The following CALN1 variants were observed in gnomAD, a reference collection of about 807,000 sequenced individuals.
The protein encoded by CALN1 is calneuron 1, also known as calcium-binding protein 8.
A neutral mutation model predicts 30.6 loss-of-function variants in CALN1; 17 were observed. The observed-to-expected ratio is 0.56, with a 90% CI of 0.38 to 0.83. The LOEUF (loss-of-function observed/expected upper bound fraction) is 0.83. Among genes scored for constraint, CALN1 ranks in the 40% least tolerant of loss-of-function variants. The pLI, the probability that CALN1 is intolerant of heterozygous loss-of-function variation, is 0.00. For missense variants in CALN1, 291 were observed against 354.9 expected (o/e 0.82, Z 1.45); for synonymous variants, 156 against 131.4 (o/e 1.19, Z -1.28).
At chr7:72,179,210 T>C (rs1789581786) in intron 3 of CALN1, among the ~76,000 whole-genome samples, 2 of 152,232 alleles carry the variant, frequency 1.3e-5, no homozygotes, top group Non-Finnish European at 1.5e-5. Flanking sequence ...AAGAAAAACA[T>C]TCTATTTATA....
chr7:71,927,646 C>T (rs920186429), intron 5 of CALN1, among the ~76,000 whole-genome samples: 4 of 152,074 alleles, frequency 2.6e-5, no homozygotes, highest in African/African-American at 9.7e-5. Context: ...CTTTTTTATG[C>T]TCTTCCTCTT....
At chr7:72,352,816 GA>G (rs2129559382) in intron 2 of CALN1, among the ~76,000 whole-genome samples, 1 of 151,972 alleles carries the variant, frequency 6.6e-6, no homozygotes, top group East Asian at 1.9e-4. Context: ...AAAATGGACA[GA>G]AAAATGAAAT....
intron 5 of CALN1, among the ~76,000 whole-genome samples, chr7:71,931,214 T>A (rs1795532753): frequency 6.6e-6 from 1 of 152,224 alleles, no homozygotes. Context: ...GGATTTAAAG[T>A]TAGTTCTTCC....
At chr7:72,054,432 CGTATATATATATATACAT>C (rs1268286892) in intron 4 of CALN1, among the ~76,000 whole-genome samples, 3 of 21,906 alleles carry the variant, frequency 1.4e-4, no homozygotes, top group Non-Finnish European at 2.0e-4. Context: ...TATATATACA[CGTATATATATATATACAT>C]ATATATACAT....
intron 1 of CALN1, among the ~76,000 whole-genome samples, chr7:72,438,623 A>G (rs1331104690): frequency 6.6e-6 from 1 of 151,254 alleles, no homozygotes. Flanking sequence ...TCCTTCCTTG[A>G]CCTCCTCCCT....
chr7:72,114,631 A>C (rs573600309), intron 3 of CALN1, among the ~76,000 whole-genome samples: 2 of 152,256 alleles, frequency 1.3e-5, no homozygotes, highest in South Asian at 2.1e-4. Flanking sequence ...TGATCAACTG[A>C]CTTCAGAAAT....
chr7:71,852,007 A>T (rs1477147482), intron 5 of CALN1, among the ~76,000 whole-genome samples: 2 of 152,174 alleles, frequency 1.3e-5, no homozygotes, highest in Non-Finnish European at 2.9e-5. Flanking sequence ...GAGTCTATGG[A>T]CCACACAAGA....
At chr7:72,136,004 A>G (rs765495421) in intron 3 of CALN1, among the ~76,000 whole-genome samples, 10 of 151,978 alleles carry the variant, frequency 6.6e-5, no homozygotes, top group Non-Finnish European at 1.5e-4. Context: ...GTGGTGGTAG[A>G]TGCCTGTAAT....
chr7:72,346,533 T>A (rs1802650460), intron 2 of CALN1, among the ~76,000 whole-genome samples: 1 of 152,168 alleles, frequency 6.6e-6, no homozygotes, highest in South Asian at 2.1e-4. Context: ...TTTATTTATT[T>A]GAAACGAAAT....
At chr7:72,390,873 G>A (rs184197537) in intron 2 of CALN1, among the ~76,000 whole-genome samples, 4 of 152,170 alleles carry the variant, frequency 2.6e-5, no homozygotes, top group African/African-American at 9.6e-5. Flanking sequence ...ATTTCCCTTT[G>A]TTGTTACCTC....
intron 2 of CALN1, among the ~76,000 whole-genome samples, chr7:72,330,511 C>T (rs1801600754): frequency 6.6e-6 from 1 of 151,018 alleles, no homozygotes; most frequent in African/African-American, 2.4e-5. Flanking sequence ...TGTTGGCCAT[C>T]CAATCTGAAG....
intron 3 of CALN1, among the ~76,000 whole-genome samples, chr7:72,168,814 T>A (rs1302175291): frequency 1.3e-4 from 19 of 147,870 alleles, no homozygotes; most frequent in Middle Eastern, 3.4e-3. Context: ...TATTTTTTTT[T>A]TTTTTTTTGA....
At chr7:72,364,603 G>A (rs1803770422) in intron 2 of CALN1, among the ~76,000 whole-genome samples, 1 of 152,148 alleles carries the variant, frequency 6.6e-6, no homozygotes, top group Admixed American at 6.5e-5. Context: ...ACAAAACACA[G>A]AATTATATTC....
chr7:71,964,407 T>C (rs1467284487), intron 5 of CALN1, among the ~76,000 whole-genome samples: 2 of 152,178 alleles, frequency 1.3e-5, no homozygotes, highest in African/African-American at 4.8e-5. Context: ...CTTGTGTTAA[T>C]GAGCTCAATT....
chr7:72,072,686 AT>A (rs1804481440), intron 4 of CALN1, among the ~76,000 whole-genome samples: 1 of 152,180 alleles, frequency 6.6e-6, no homozygotes, highest in South Asian at 2.1e-4. Context: ...GAGGTTAATA[AT>A]TTTTTAAAAG....
intron 3 of CALN1, among the ~76,000 whole-genome samples, chr7:72,113,301 T>C (rs1345179400): frequency 6.6e-6 from 1 of 152,130 alleles, no homozygotes; most frequent in East Asian, 1.9e-4. Flanking sequence ...CCTCTCTCTC[T>C]CTTGCTTCCT....
chr7:72,106,352 A>C (rs2129541282), intron 3 of CALN1, 58 bp from the exon 4 acceptor site: 1 of 1,602,188 alleles, frequency 6.2e-7, no homozygotes, highest in East Asian at 2.2e-5. Flanking sequence ...ATTGCACTGC[A>C]GTTATTGGTG....
chr7:72,290,457 C>T (rs1798401471), intron 2 of CALN1, among the ~76,000 whole-genome samples: 1 of 152,088 alleles, frequency 6.6e-6, no homozygotes, highest in Non-Finnish European at 1.5e-5. Context: ...GTGGCAGCCT[C>T]AGTGGTAGCA....
chr7:72,289,722 G>T (rs1798343183), intron 2 of CALN1, among the ~76,000 whole-genome samples: 1 of 152,014 alleles, frequency 6.6e-6, no homozygotes, highest in Non-Finnish European at 1.5e-5. Context: ...AAATGATTAG[G>T]AAGTGATGAA....
Sources: gnomAD v4.1 joint callset for allele counts (sites outside exome capture counted in the v4.1 genomes callset) on GRCh38, gnomAD v4.1.1 for gene constraint, MANE v1.5 for transcripts, NCBI Gene and HGNC (gene_info 2026-07-23, HGNC 2026-07-21) for gene names.